Variants in GRIA2 observed in about 807,000 individuals in gnomAD.
GRIA2 encodes glutamate ionotropic receptor AMPA type subunit 2.
GRIA2 carries 14 observed loss-of-function variants against 97.3 expected under a neutral mutation model. The observed-to-expected ratio is 0.14, with a 90% CI of 0.10 to 0.23. The LOEUF (loss-of-function observed/expected upper bound fraction) is 0.23, where lower values mean the gene tolerates loss of function less well. Ranked by LOEUF, GRIA2 falls within the 10% of genes least tolerant of loss-of-function variation. The pLI is 1.00. For missense variants in GRIA2, 558 were observed against 1,069.8 expected, an observed-to-expected ratio of 0.52 and a Z score of 6.67; for synonymous variants, 412 against 387.8, an observed-to-expected ratio of 1.06 and a Z score of -0.73.
intron 2 of GRIA2, among the ~76,000 whole-genome samples, chr4:157,276,596 GT>G (rs879481351): frequency 3.2e-4 from 49 of 151,778 alleles, no homozygotes; most frequent in Admixed American, 8.5e-4. Flanking sequence ...ACCAAAAGGT[GT>G]TTTTTTAATT....
chr4:157,274,629 G>A (rs1020491581), intron 2 of GRIA2, among the ~76,000 whole-genome samples: 1 of 148,044 alleles, frequency 6.8e-6, no homozygotes, highest in African/African-American at 2.5e-5. Flanking sequence ...TTGGCTTTTT[G>A]TCCTTGCGAT....
At chr4:157,229,114 A>T (rs1729887694) in intron 2 of GRIA2, among the ~76,000 whole-genome samples, 1 of 152,176 alleles carries the variant, frequency 6.6e-6, no homozygotes, top group Non-Finnish European at 1.5e-5. Context: ...TACATTTTAG[A>T]TGGTATCTAG....
intron 12 of GRIA2, among the ~76,000 whole-genome samples, chr4:157,354,938 G>A (rs993449536): frequency 6.6e-6 from 1 of 152,258 alleles, no homozygotes; most frequent in African/African-American, 2.4e-5. Flanking sequence ...TAAGGAAGGG[G>A]TAACTATAGG....
chr4:157,348,763 G>A (rs1397835523), intron 12 of GRIA2, among the ~76,000 whole-genome samples: 4 of 151,888 alleles, frequency 2.6e-5, no homozygotes, highest in Admixed American at 6.6e-5. Context: ...TCTCATATTA[G>A]CATTAAAATA....
At chr4:157,317,743 C>T (rs1231038244) in intron 5 of GRIA2, 32 bp downstream of exon 5, 3 of 831,316 alleles carry the variant, frequency 3.6e-6, no homozygotes, top group African/African-American at 3.5e-5. Flanking sequence ...TATTATTTTA[C>T]TAGATATGCT....
chr4:157,235,434 G>A (rs1730200153), intron 2 of GRIA2, among the ~76,000 whole-genome samples: 1 of 151,882 alleles, frequency 6.6e-6, no homozygotes. Flanking sequence ...ATTAGTCTCG[G>A]TAATAGACAT....
At chr4:157,329,715 C>T (rs1579368551) in intron 6 of GRIA2, among the ~76,000 whole-genome samples, 2 of 151,866 alleles carry the variant, frequency 1.3e-5, no homozygotes, top group East Asian at 1.9e-4. Context: ...CAATAACTTA[C>T]ATATATAACA....
chr4:157,342,256 G>A (rs1033450378), intron 12 of GRIA2: 6 of 983,280 alleles, frequency 6.1e-6, no homozygotes, highest in African/African-American at 1.8e-5. Context: ...ATCTAGTCCA[G>A]CTTATTCCGG....
intron 2 of GRIA2, among the ~76,000 whole-genome samples, chr4:157,295,956 T>C (rs2126847649): frequency 6.6e-6 from 1 of 152,290 alleles, no homozygotes; most frequent in African/African-American, 2.4e-5. Context: ...CTCTATATTT[T>C]CATGTGCAAA....
At chr4:157,279,022 A>G (rs1276986035) in intron 2 of GRIA2, among the ~76,000 whole-genome samples, 2 of 152,134 alleles carry the variant, frequency 1.3e-5, no homozygotes, top group African/African-American at 4.8e-5. Context: ...GCAAAATGGT[A>G]CAGCCAATTT....
intron 2 of GRIA2, among the ~76,000 whole-genome samples, chr4:157,278,846 G>A (rs1390188289): frequency 9.7e-6 from 1 of 102,996 alleles, no homozygotes; most frequent in Non-Finnish European, 2.1e-5. Flanking sequence ...AAGATATACT[G>A]AAGATATACT....
chr4:157,256,238 A>ATAACAT (rs1221262781), intron 2 of GRIA2, among the ~76,000 whole-genome samples: 2 of 82,856 alleles, frequency 2.4e-5, no homozygotes, highest in African/African-American at 1.1e-4. Flanking sequence ...TATATAATAT[A>ATAACAT]TATATATAAT....
chr4:157,256,266 C>T lies in GRIA2; in HGVS notation c.229+34459C>T, dbSNP rs1427622053. Among the ~76,000 whole-genome samples the T allele has an allele frequency of 4.8e-5, 5 of 104,798 alleles. 1 individual carries two copies. Among genetic ancestry groups the T allele is most frequent in the East Asian group, 4.6e-4 (2 of 4,386 alleles). 68.8% of individuals were successfully genotyped at this position (104,798 alleles called of 152,430 possible). ...TATATAATATATAAATTATATATTACATATATATGTTATATATTACATATA... is the reference window on the plus strand; with the variant it reads ...TATATAATATATAAATTATATATTATATATATATGTTATATATTACATATA... On this transcript the variant is annotated intron_variant, in intron 2 of 15. Transcript: ENST00000264426.
intron 2 of GRIA2, among the ~76,000 whole-genome samples, chr4:157,277,892 A>ATG (rs1732414716): frequency 1.4e-5 from 1 of 73,028 alleles, no homozygotes; most frequent in Non-Finnish European, 2.9e-5. Context: ...GTATATATGT[A>ATG]TATATATATG....
At chr4:157,302,244 G>A (rs1471419361) in intron 2 of GRIA2, among the ~76,000 whole-genome samples, 2 of 151,598 alleles carry the variant, frequency 1.3e-5, no homozygotes, top group South Asian at 2.1e-4. Flanking sequence ...TCTGCGGATC[G>A]TCAGTGCTCT....
At chr4:157,273,040 TAAA>T (rs944980228) in intron 2 of GRIA2, among the ~76,000 whole-genome samples, 2 of 151,484 alleles carry the variant, frequency 1.3e-5, no homozygotes, top group Non-Finnish European at 2.9e-5. Flanking sequence ...TTTTGACAAA[TAAA>T]AAAGAGAGAA....
intron 2 of GRIA2, among the ~76,000 whole-genome samples, chr4:157,297,167 G>A (rs1010344538): frequency 2.6e-5 from 4 of 152,104 alleles, no homozygotes; most frequent in African/African-American, 9.7e-5. Flanking sequence ...ACCATATTAA[G>A]GCAATGTCAT....
chr4:157,332,459 G>A (rs1441160345), intron 6 of GRIA2, among the ~76,000 whole-genome samples: 1 of 151,368 alleles, frequency 6.6e-6, no homozygotes, highest in African/African-American at 2.4e-5. Context: ...AATATTAATT[G>A]TTAGTCTTAT....
Position 157,241,598 on chromosome 4 carries a change from G to A in GRIA2, c.229+19791G>A, listed in dbSNP as rs543284143. Among the ~76,000 whole-genome samples the A allele has an allele frequency of 2.8e-4, 42 of 151,976 alleles. No homozygotes were observed. In the South Asian group the frequency reaches 7.0e-3, roughly 26 times the overall value. ...TCATACATCCTTTTTTTCTGATATT[G>A]TAGCTTTAAACATTTTTACTAATAT... On this transcript the variant is annotated intron_variant, in intron 2 of 15. Transcript: ENST00000264426.
Sources: gnomAD v4.1 joint callset for allele counts (sites outside exome capture counted in the v4.1 genomes callset) on GRCh38, gnomAD v4.1.1 for gene constraint, MANE v1.5 for transcripts, NCBI Gene and HGNC (gene_info 2026-07-23, HGNC 2026-07-21) for gene names.